Variants in ZNF385D observed in about 807,000 individuals in gnomAD.
The protein encoded by ZNF385D is zinc finger protein 659.
In ZNF385D, 15 loss-of-function variants were observed where a neutral mutation model predicts 35.8. The observed-to-expected ratio is 0.42, with a 90% confidence interval of 0.28 to 0.64. The LOEUF is 0.64. Among genes scored for constraint, ZNF385D ranks in the 30% least tolerant of loss-of-function variants. The pLI is 0.23. For missense variants in ZNF385D, 474 were observed against 494.6 expected (o/e 0.96, Z 0.39); for synonymous variants, 212 against 186.8 (o/e 1.13, Z -1.10).
At position 22,329,125 on chromosome 3, in the gene ZNF385D, T is replaced by C. The variant is rs1169239316; in HGVS notation, c.106+43325A>G. On this transcript the variant is annotated intron_variant, in intron 2 of 5. Coordinates refer to the ZNF385D transcript ENST00000494108. ...GTTTATTAAAGTTGCTCATATCACT[T>C]TCTAGGCTCACTGCTATTTCTCATA... Among the ~76,000 whole-genome samples the C allele has an allele frequency of 2.6e-5, 4 of 151,136 alleles. No homozygotes were observed. The East Asian group carries it at 7.7e-4, about 29-fold the overall frequency.
intron 2 of ZNF385D, among the ~76,000 whole-genome samples, chr3:22,279,519 C>T (rs1701612490): frequency 8.0e-6 from 1 of 124,392 alleles, no homozygotes; most frequent in African/African-American, 4.2e-5. Flanking sequence ...TATGTATATA[C>T]ATATACATAT....
intron 2 of ZNF385D, among the ~76,000 whole-genome samples, chr3:21,567,373 C>CGTA (rs2063185473): frequency 6.6e-6 from 1 of 152,122 alleles, no homozygotes; most frequent in Non-Finnish European, 1.5e-5. Flanking sequence ...AGCTTCTAAA[C>CGTA]CTTCCTCAAT....
chr3:21,801,973 A>G (rs2072427427), intron 3 of ZNF385D, among the ~76,000 whole-genome samples: 1 of 152,178 alleles, frequency 6.6e-6, no homozygotes, highest in Non-Finnish European at 1.5e-5. Flanking sequence ...ATTAAAACAT[A>G]AACAATTCAT....
intron 3 of ZNF385D, among the ~76,000 whole-genome samples, chr3:22,064,178 C>T (rs73822843): frequency 0.04 from 6,149 of 152,256 alleles, 421 homozygotes; most frequent in African/African-American, 0.14. Flanking sequence ...TCTTGTCTTT[C>T]ATGGTGATTA....
chr3:22,233,532 T>C (rs557067040), intron 2 of ZNF385D, among the ~76,000 whole-genome samples: 37 of 152,292 alleles, frequency 2.4e-4, no homozygotes, highest in African/African-American at 8.9e-4. Flanking sequence ...TATAGAAGTG[T>C]ACACTTAAAA....
At chr3:21,956,169 A>G (rs183501615) in intron 3 of ZNF385D, among the ~76,000 whole-genome samples, 3 of 152,126 alleles carry the variant, frequency 2.0e-5, no homozygotes, top group Non-Finnish European at 4.4e-5. Context: ...ACTGGGTGAG[A>G]GAGTGAGACT....
intron 2 of ZNF385D, among the ~76,000 whole-genome samples, chr3:21,630,982 T>C (rs2065265029): frequency 6.6e-6 from 1 of 152,118 alleles, no homozygotes; most frequent in African/African-American, 2.4e-5. Context: ...TCGAGTTTCG[T>C]AGTTTCGTAA....
intron 2 of ZNF385D, among the ~76,000 whole-genome samples, chr3:22,360,013 G>C (rs1485093346): frequency 1.3e-5 from 2 of 151,872 alleles, no homozygotes; most frequent in Non-Finnish European, 2.9e-5. Flanking sequence ...GAGCAAAGCT[G>C]CAAATAAGAA....
chr3:22,181,642 G>A (rs1695280256), intron 2 of ZNF385D, among the ~76,000 whole-genome samples: 1 of 150,116 alleles, frequency 6.7e-6, no homozygotes, highest in Non-Finnish European at 1.5e-5. Context: ...AGCTTGCAGT[G>A]AGCGGAGATG....
intron 1 of ZNF385D, among the ~76,000 whole-genome samples, chr3:21,744,941 A>T (rs2069695018): frequency 6.6e-6 from 1 of 152,176 alleles, no homozygotes; most frequent in African/African-American, 2.4e-5. Context: ...TAGCTTTCAT[A>T]GGGAATATCA....
chr3:21,880,516 G>T (rs535193706), intron 3 of ZNF385D, among the ~76,000 whole-genome samples: 1 of 152,022 alleles, frequency 6.6e-6, no homozygotes, highest in Admixed American at 6.6e-5. Context: ...GATAAATGTT[G>T]TGTCTGACCT....
intron 3 of ZNF385D, among the ~76,000 whole-genome samples, chr3:22,147,750 A>C (rs1278105217): frequency 2.6e-5 from 4 of 152,184 alleles, no homozygotes; most frequent in Non-Finnish European, 5.9e-5. Context: ...CTCCACAATG[A>C]AAGAGTTAGG....
chr3:22,032,051 G>T (rs1002829672), intron 3 of ZNF385D, among the ~76,000 whole-genome samples: 5 of 152,186 alleles, frequency 3.3e-5, no homozygotes, highest in Non-Finnish European at 7.4e-5. Flanking sequence ...AGTGACCTTT[G>T]CTCCAGTTCC....
intron 2 of ZNF385D, among the ~76,000 whole-genome samples, chr3:21,633,077 A>G (rs2065327155): frequency 6.6e-6 from 1 of 152,124 alleles, no homozygotes. Context: ...GGTATATTCT[A>G]GAGATTTAAC....
At chr3:21,847,946 G>C (rs774494926) in intron 3 of ZNF385D, among the ~76,000 whole-genome samples, 57 of 151,854 alleles carry the variant, frequency 3.8e-4, no homozygotes, top group Non-Finnish European at 2.7e-4. Flanking sequence ...TTTTCATCTT[G>C]TATATCTCAA....
intron 2 of ZNF385D, among the ~76,000 whole-genome samples, chr3:21,626,068 T>A (rs1326413733): frequency 6.6e-6 from 1 of 152,040 alleles, no homozygotes; most frequent in Non-Finnish European, 1.5e-5. Flanking sequence ...TTAATAAAAT[T>A]GAGGGAGGTT....
intron 2 of ZNF385D, among the ~76,000 whole-genome samples, chr3:22,232,129 T>C (rs1231335151): frequency 6.6e-6 from 1 of 152,150 alleles, no homozygotes; most frequent in Non-Finnish European, 1.5e-5. Flanking sequence ...GAATGGATAC[T>C]CTGGCATGCC....
chr3:22,280,810 C>T (rs1016482813), intron 2 of ZNF385D, among the ~76,000 whole-genome samples: 22 of 151,848 alleles, frequency 1.4e-4, no homozygotes, highest in Admixed American at 6.6e-4. Context: ...GGAATGATTG[C>T]GGTATTTTGA....
At chr3:22,180,536 G>A (rs1285565653) in intron 2 of ZNF385D, among the ~76,000 whole-genome samples, 5 of 152,104 alleles carry the variant, frequency 3.3e-5, no homozygotes, top group African/African-American at 9.7e-5. Flanking sequence ...AAAATCCTCA[G>A]TAAAATACTG....
Sources: allele counts gnomAD v4.1 joint callset (sites outside exome capture counted in the v4.1 genomes callset), GRCh38; gene constraint gnomAD v4.1.1; transcripts MANE v1.5; gene names NCBI Gene and HGNC (gene_info 2026-07-23, HGNC 2026-07-21).